Variants in BATF3 observed in about 807,000 individuals in gnomAD.
BATF3 encodes the protein basic leucine zipper transcriptional factor ATF-like 3.
Under a neutral mutation model 16.1 loss-of-function variants are expected in BATF3, and 8 were observed. The observed-to-expected ratio is 0.50, with a 90% CI of 0.29 to 0.90. BATF3 has a LOEUF of 0.90. BATF3 is among the 40% of genes least tolerant of loss of function. The pLI, the probability that BATF3 is intolerant of heterozygous loss-of-function variation, is 0.08. For synonymous variants in BATF3, 74 were observed against 72.7 expected, an observed-to-expected ratio of 1.02 and a Z score of -0.09; for missense variants, 139 against 167.0, an observed-to-expected ratio of 0.83 and a Z score of 0.92.
chr1:212,686,810 G>A lies in BATF3; in HGVS notation c.365C>T (p.Ala122Val). Residue 122 changes from alanine to valine, a missense_variant, in exon 3 of 3, where the codon GCC (alanine) becomes GTC (valine). Transcript: ENST00000243440. ...VPVPPRPDPV[A>V]GCLPR is the part of the protein sequence containing the mutation. ...CCGGCTTCATCGGGGCAAGCAGCCGGCCACAGGGTCCGGCCGGGGAGGCAC... is the reference window on the plus strand; with the variant it reads ...CCGGCTTCATCGGGGCAAGCAGCCGACCACAGGGTCCGGCCGGGGAGGCAC... The A allele has an allele frequency of 6.2e-7, 1 of 1,612,636 alleles. No individual in the cohort carries two copies. The highest frequency in any genetic ancestry group is 8.5e-7 in the Non-Finnish European group (1 of 1,179,092).
Position 212,689,053 on chromosome 1 carries a change from C to T in BATF3, c.196-2074G>A, listed in dbSNP as rs1656931070. Among the ~76,000 whole-genome samples the T allele has an allele frequency of 6.6e-6, 1 of 152,194 alleles. No homozygotes were observed. The highest frequency in any genetic ancestry group is 2.1e-4 in the South Asian group (1 of 4,832). ...AAGCCCACCACCTCCAGGAAGGCTT[C>T]CCTGACCACAGCACCTACAGGAACC... is the stretch of plus-strand genomic sequence containing the variant. On this transcript the variant is annotated intron_variant, in intron 2 of 2. Coordinates refer to ENST00000243440, the MANE Select transcript of BATF3 (RefSeq NM_018664.3). The surrounding 1 kb of genome is among the most constrained non-coding windows in gnomAD (Gnocchi z 4.6).
Position 212,699,688 on chromosome 1 carries a change from C to A in BATF3, c.75G>T (p.Pro25=). ...SVAAPGNQPQ[P]QPQQQSPEDD... is the part of the protein sequence containing the mutation. ...CGCCCTCTACCTGCTGCTGCGGCTG[C>A]GGCTGCGGCTGGTTCCCGGGCGCCG... Residue 25 remains proline, a synonymous_variant, in exon 1 of 3, where the codon CCG becomes CCT. Transcript: ENST00000243440. This position sits in a 1 kb window ranked among gnomAD's most constrained non-coding sequence, Gnocchi z 4.4. The A allele has an allele frequency of 1.5e-6, 2 of 1,347,782 alleles. No individual in the cohort carries two copies. Among genetic ancestry groups the A allele is most frequent in the South Asian group, 1.8e-5 (1 of 54,932 alleles). 83.5% of individuals were successfully genotyped at this position (1,347,782 alleles called of 1,614,324 possible).
intron 2 of BATF3, among the ~76,000 whole-genome samples, chr1:212,693,756 T>C (rs1657059979): frequency 6.6e-6 from 1 of 152,172 alleles, no homozygotes; most frequent in South Asian, 2.1e-4. Context: ...AGTTATCAAA[T>C]GCAGCAGTGA....
chr1:212,696,101 G>A (rs2102403482), intron 2 of BATF3, among the ~76,000 whole-genome samples: 1 of 151,870 alleles, frequency 6.6e-6, no homozygotes, highest in South Asian at 2.1e-4. Flanking sequence ...GGGAGCTGAT[G>A]CTGGGAGAAC....
chr1:212,696,895 C>A, intron 2 of BATF3, 66 bp downstream of exon 2: 1 of 1,187,004 alleles, frequency 8.4e-7, no homozygotes. Flanking sequence ...ACAGTCATCA[C>A]CCCCACTCCC....
At chr1:212,693,300 C>A (rs73079845) in intron 2 of BATF3, among the ~76,000 whole-genome samples, 8,570 of 152,210 alleles carry the variant, frequency 0.056, 787 homozygotes, top group African/African-American at 0.19. Flanking sequence ...TTGGGATATA[C>A]TTCCATTTTC....
intron 2 of BATF3, 52 bp downstream of exon 2, chr1:212,696,909 C>A: frequency 1.4e-6 from 2 of 1,391,418 alleles, no homozygotes; most frequent in Non-Finnish European, 1.0e-6. Flanking sequence ...CACTCCCGTG[C>A]AAGGCAGAGG....
At chr1:212,695,748 T>C (rs1402353559) in intron 2 of BATF3, among the ~76,000 whole-genome samples, 1 of 152,122 alleles carries the variant, frequency 6.6e-6, no homozygotes, top group African/African-American at 2.4e-5. Flanking sequence ...ATTCCTCAGA[T>C]AGATCCTTGG....
intron 2 of BATF3, among the ~76,000 whole-genome samples, chr1:212,691,361 G>C (rs923377156): frequency 3.3e-5 from 5 of 152,210 alleles, no homozygotes; most frequent in Non-Finnish European, 7.3e-5. Flanking sequence ...CCTGGGATCT[G>C]ACTCCTAACT....
chr1:212,698,710 A>G (rs1657188114), intron 1 of BATF3: 1 of 152,208 alleles, frequency 6.6e-6, no homozygotes, highest in African/African-American at 2.4e-5. Context: ...TCTAAACTGG[A>G]CTCATCACCA....
chr1:212,688,420 G>T (rs1387069949), intron 2 of BATF3, among the ~76,000 whole-genome samples: 1 of 152,250 alleles, frequency 6.6e-6, no homozygotes, highest in African/African-American at 2.4e-5. Context: ...TTCTCTCTGA[G>T]CCTGCAGAGA....
At chr1:212,693,776 C>T (rs746520885) in intron 2 of BATF3, among the ~76,000 whole-genome samples, 21 of 152,146 alleles carry the variant, frequency 1.4e-4, no homozygotes, top group Admixed American at 6.5e-4. Context: ...ACAGAAAGTG[C>T]GAGAGAGCCA....
chr1:212,689,052 TC>T lies in BATF3; in HGVS notation c.196-2074del, dbSNP rs1210944740. Among the ~76,000 whole-genome samples, 3 of 152,216 alleles carry T rather than the reference TC, an allele frequency of 2.0e-5. No homozygotes were observed. The highest frequency in any genetic ancestry group is 1.5e-5 in the Non-Finnish European group (1 of 68,040). On this transcript the variant is annotated intron_variant, in intron 2 of 2. Coordinates refer to ENST00000243440, the MANE Select transcript of BATF3 (RefSeq NM_018664.3). The surrounding 1 kb of genome is among the most constrained non-coding windows in gnomAD (Gnocchi z 4.6). ...CAAGCCCACCACCTCCAGGAAGGCT[TC>T]CCTGACCACAGCACCTACAGGAACC... is the stretch of plus-strand genomic sequence containing the variant.
chr1:212,697,086 G>C (rs372394722), intron 1 of BATF3, 21 bp from the exon 2 acceptor site: 1 of 1,595,416 alleles, frequency 6.3e-7, no homozygotes, highest in African/African-American at 1.3e-5. Context: ...ACACTGGGTG[G>C]GTGTGATGTC....
chr1:212,691,867 G>A (rs1657005236), intron 2 of BATF3, among the ~76,000 whole-genome samples: 1 of 152,232 alleles, frequency 6.6e-6, no homozygotes, highest in Non-Finnish European at 1.5e-5. Context: ...GTTCTCATTT[G>A]TCAGTGTGGA....
rs757814619 is a variant in BATF3 at position 212,686,821 on chromosome 1, C to T, written c.354G>A (p.Pro118=). 13 of 1,613,130 alleles carry T rather than the reference C, an allele frequency of 8.1e-6. No homozygotes were observed. The highest frequency in any genetic ancestry group is 1.7e-4 in the Middle Eastern group (1 of 6,014). Reference sequence around the variant, plus strand: ...GGGGCAAGCAGCCGGCCACAGGGTCCGGCCGGGGAGGCACTGGCACAAAGT... The same window carrying T: ...GGGGCAAGCAGCCGGCCACAGGGTCTGGCCGGGGAGGCACTGGCACAAAGT... ...PMNFVPVPPR[P]DPVAGCLPR The change falls in exon 3 of 3, where the codon CCG becomes CCA. Residue 118 remains proline (P), a synonymous_variant. Coordinates refer to ENST00000243440, the MANE Select transcript of BATF3 (RefSeq NM_018664.3).
At chr1:212,696,487 T>C (rs1443046370) in intron 2 of BATF3, among the ~76,000 whole-genome samples, 1 of 149,312 alleles carries the variant, frequency 6.7e-6, no homozygotes, top group Non-Finnish European at 1.5e-5. Flanking sequence ...ATGTGTGTGT[T>C]TGTTTGTGTG....
rs978947911 is a variant in BATF3, at chr1:212,689,412, C to T, written c.196-2433G>A. ...CAGGTTCCCAGGGTGGTCTGGAGCA[C>T]TCTCCAGGGCAGCAAGCTGTTCTGG... On this transcript the variant is annotated intron_variant, in intron 2 of 2. Coordinates refer to ENST00000243440, the MANE Select transcript of BATF3 (RefSeq NM_018664.3). This position sits in a 1 kb window ranked among gnomAD's most constrained non-coding sequence, Gnocchi z 4.6. Among the ~76,000 whole-genome samples the T allele has an allele frequency of 6.6e-6, 1 of 152,210 alleles. No homozygotes were observed. The highest frequency in any genetic ancestry group is 2.4e-5 in the African/African-American group (1 of 41,448).
chr1:212,687,272 A>G (rs1162403880), intron 2 of BATF3, among the ~76,000 whole-genome samples: 2 of 152,164 alleles, frequency 1.3e-5, no homozygotes, highest in Non-Finnish European at 2.9e-5. Context: ...GAACATTTCA[A>G]TCACTCCAAA....
Sources: gnomAD v4.1 joint callset for allele counts (sites outside exome capture counted in the v4.1 genomes callset) on GRCh38, gnomAD v4.1.1 for gene constraint, Gnocchi (gnomAD v3.1) non-coding constraint, MANE v1.5 for transcripts, NCBI Gene and HGNC (gene_info 2026-07-23, HGNC 2026-07-21) for gene names.